Variants in STK31 observed in about 807,000 individuals in gnomAD.
STK31 encodes serine/threonine kinase 31, also known as serine/threonine-protein kinase 31.
STK31 carries 89 observed loss-of-function variants against 129.7 expected under a neutral mutation model. That is an observed-to-expected ratio of 0.69 (90% CI 0.58 to 0.82). The LOEUF (loss-of-function observed/expected upper bound fraction) is 0.82. STK31 is among the 40% of genes least tolerant of loss of function. STK31 has a pLI of 0.00. For missense variants in STK31, 1,187 were observed against 1,176.4 expected (o/e 1.01, Z -0.13); for synonymous variants, 448 against 395.3 (o/e 1.13, Z -1.58).
intron 8 of STK31, among the ~76,000 whole-genome samples, chr7:23,742,352 T>C (rs1788098562): frequency 6.6e-6 from 1 of 152,234 alleles, no homozygotes; most frequent in Non-Finnish European, 1.5e-5. Flanking sequence ...ATGGGCATGC[T>C]TGTTCTCCCT....
chr7:23,713,284 CAT>C (rs1316222108), intron 3 of STK31, among the ~76,000 whole-genome samples: 1 of 152,080 alleles, frequency 6.6e-6, no homozygotes, highest in African/African-American at 2.4e-5. Context: ...ACAGTAAAAA[CAT>C]ATTATAAAAG....
Position 23,786,924 on chromosome 7 carries a change from A to T in STK31, c.2487A>T (p.Glu829Asp). ...AAGCCAACATGCCTTTAAATTCAGA[A>T]GTAAGTAAAAAGCACTATTTATTTC... ...AVQANMPLNS[E>D]ETLKVMKGVA... The change falls in exon 20 of 24, where the codon GAA (glutamate) becomes GAT (aspartate). Residue 829 changes from glutamate to aspartate, a missense_variant and splice_region_variant. Around this residue, in one of 5 missense-constraint regions of STK31, gnomAD observed 975 missense variants for 934.9 expected, o/e 1.04. Transcript: ENST00000355870. 1 of 1,613,134 alleles carries T rather than the reference A, an allele frequency of 6.2e-7. No homozygotes were observed. Among genetic ancestry groups the T allele is most frequent in the Middle Eastern group, 1.7e-4 (1 of 6,048 alleles).
rs187691329 is a variant in STK31 at position 23,801,773 on chromosome 7, A to G, written c.2760+10827A>G. On this transcript the variant is annotated intron_variant, in intron 22 of 23. Coordinates refer to ENST00000355870, the MANE Select transcript of STK31 (RefSeq NM_031414.5). ...TTTTTGCATATGGATGTCCAATTTT[A>G]CAACACCATTTTTTTAAGAGAGTGT... Among the ~76,000 whole-genome samples, 21 of 150,464 alleles carry G rather than the reference A, an allele frequency of 1.4e-4. No individual in the cohort carries two copies. The East Asian group carries it at 4.0e-3, about 28-fold the overall frequency.
chr7:23,780,325 G>C (rs761106688), intron 15 of STK31, among the ~76,000 whole-genome samples: 2 of 152,214 alleles, frequency 1.3e-5, no homozygotes. Flanking sequence ...CTTTTAAAGT[G>C]TAAACCAAAC....
chr7:23,808,314 C>T (rs1014352431), intron 22 of STK31, among the ~76,000 whole-genome samples: 2 of 151,778 alleles, frequency 1.3e-5, no homozygotes, highest in African/African-American at 2.4e-5. Context: ...TTGCTGCTGA[C>T]AGATGGGAGT....
chr7:23,781,795 A>G (rs1200410419), intron 16 of STK31, among the ~76,000 whole-genome samples: 1 of 152,214 alleles, frequency 6.6e-6, no homozygotes, highest in African/African-American at 2.4e-5. Context: ...AGTAGTAATC[A>G]CTGTTAACTT....
chr7:23,787,491 G>A (rs1357513700), intron 20 of STK31, among the ~76,000 whole-genome samples: 1 of 152,062 alleles, frequency 6.6e-6, no homozygotes, highest in East Asian at 1.9e-4. Flanking sequence ...AGCAGGAGGT[G>A]AGTGGCAGGT....
chr7:23,801,715 G>A (rs1349919037), intron 22 of STK31, among the ~76,000 whole-genome samples: 1 of 152,102 alleles, frequency 6.6e-6, no homozygotes, highest in Middle Eastern at 3.2e-3. Context: ...TGTAATTTTT[G>A]TGTAAGGTGG....
At chr7:23,743,793 C>G (rs1418840132) in intron 8 of STK31, among the ~76,000 whole-genome samples, 1 of 151,780 alleles carries the variant, frequency 6.6e-6, no homozygotes, top group Non-Finnish European at 1.5e-5. Flanking sequence ...TGTGGTGTCT[C>G]ATATGTCTTG....
At chr7:23,811,876 C>T (rs754543817) in intron 22 of STK31, among the ~76,000 whole-genome samples, 1 of 152,182 alleles carries the variant, frequency 6.6e-6, no homozygotes, top group Non-Finnish European at 1.5e-5. Flanking sequence ...ATAGAAACCT[C>T]ACTTCCTTTG....
At chr7:23,739,678 A>G (rs1367549414) in intron 8 of STK31, among the ~76,000 whole-genome samples, 1 of 152,176 alleles carries the variant, frequency 6.6e-6, no homozygotes, top group Non-Finnish European at 1.5e-5. Context: ...GTCCAGTTTC[A>G]GTTTTCTTCA....
At chr7:23,775,866 G>A (rs1231165933) in intron 15 of STK31, among the ~76,000 whole-genome samples, 1 of 152,110 alleles carries the variant, frequency 6.6e-6, no homozygotes, top group Non-Finnish European at 1.5e-5. Context: ...CCAATACTGT[G>A]TTAAATAGGA....
intron 8 of STK31, among the ~76,000 whole-genome samples, chr7:23,748,637 G>T (rs535215569): frequency 5.9e-5 from 9 of 152,308 alleles, no homozygotes; most frequent in African/African-American, 1.9e-4. Flanking sequence ...GAGGGAGGAT[G>T]AAGACCTTAA....
chr7:23,712,501 C>G (rs895097583), intron 3 of STK31, among the ~76,000 whole-genome samples: 2 of 152,164 alleles, frequency 1.3e-5, no homozygotes, highest in African/African-American at 4.8e-5. Flanking sequence ...CCATAATACA[C>G]CAAGTTTGAA....
chr7:23,803,591 C>T (rs1006176463), intron 22 of STK31, among the ~76,000 whole-genome samples: 2 of 151,808 alleles, frequency 1.3e-5, no homozygotes, highest in African/African-American at 2.4e-5. Flanking sequence ...TTTTTTTAAA[C>T]GTTTAAATTA....
At chr7:23,815,089 A>G (rs1038549383) in intron 22 of STK31, 55 bp from the exon 23 acceptor site, 27 of 1,303,554 alleles carry the variant, frequency 2.1e-5, no homozygotes, top group Admixed American at 4.5e-5. Context: ...TGACTCTTCT[A>G]TAGATTGGCG....
At chr7:23,801,485 T>G (rs1023122267) in intron 22 of STK31, among the ~76,000 whole-genome samples, 1 of 152,146 alleles carries the variant, frequency 6.6e-6, no homozygotes, top group Non-Finnish European at 1.5e-5. Context: ...TTTTCTGGCC[T>G]GTAGCTTTTC....
chr7:23,739,453 G>T (rs1787923165), intron 8 of STK31, among the ~76,000 whole-genome samples: 1 of 152,114 alleles, frequency 6.6e-6, no homozygotes, highest in African/African-American at 2.4e-5. Flanking sequence ...AGTTTCTTTT[G>T]CTGTGCAGAG....
intron 6 of STK31, among the ~76,000 whole-genome samples, chr7:23,730,747 G>A (rs1335368789): frequency 6.7e-6 from 1 of 149,960 alleles, no homozygotes; most frequent in East Asian, 2.0e-4. Context: ...AATCAAGGGG[G>A]AAAAAGACAT....
Sources: gnomAD v4.1 joint callset for allele counts (sites outside exome capture counted in the v4.1 genomes callset) on GRCh38, gnomAD v4.1.1 for gene constraint, gnomAD v4.1.1 regional missense constraint, MANE v1.5 for transcripts, NCBI Gene and HGNC (gene_info 2026-07-23, HGNC 2026-07-21) for gene names.